Variants in GRK5 observed in about 807,000 individuals in gnomAD.
The protein encoded by GRK5 is G protein-coupled receptor kinase 5.
A neutral mutation model predicts 78.4 loss-of-function variants in GRK5; 40 were observed. The ratio of observed to expected loss-of-function variants is 0.51; its 90% CI spans 0.40 to 0.66. The LOEUF is 0.66. Ranked by LOEUF, GRK5 falls within the 30% of genes least tolerant of loss-of-function variation. The pLI is 0.00. For synonymous variants in GRK5, 289 were observed against 296.8 expected (o/e 0.97, Z 0.27); for missense variants, 598 against 759.9 (o/e 0.79, Z 2.50).
intron 1 of GRK5, among the ~76,000 whole-genome samples, chr10:119,210,222 G>C (rs1280224461): frequency 6.6e-6 from 1 of 152,150 alleles, no homozygotes; most frequent in African/African-American, 2.4e-5. Context: ...AATAGCTCTT[G>C]ATGATGCCTT....
intron 1 of GRK5, among the ~76,000 whole-genome samples, chr10:119,283,563 C>T (rs1291900144): frequency 6.6e-6 from 1 of 152,240 alleles, no homozygotes; most frequent in Non-Finnish European, 1.5e-5. Context: ...ATTCCCTGGC[C>T]AGTGCTGATG....
chr10:119,316,611 A>G (rs1850491606), intron 1 of GRK5, among the ~76,000 whole-genome samples: 1 of 152,200 alleles, frequency 6.6e-6, no homozygotes, highest in South Asian at 2.1e-4. Flanking sequence ...GTGCAGCGCT[A>G]CACTGACAAT....
intron 11 of GRK5, among the ~76,000 whole-genome samples, chr10:119,443,310 A>C (rs1382125415): frequency 1.3e-5 from 2 of 152,174 alleles, no homozygotes. Context: ...AGGCGAGGGG[A>C]CATCAAGAGT....
chr10:119,236,121 AT>A (rs2133732491), intron 1 of GRK5, among the ~76,000 whole-genome samples: 1 of 152,286 alleles, frequency 6.6e-6, no homozygotes, highest in Non-Finnish European at 1.5e-5. Context: ...TTGTCCTGTA[AT>A]CTCAGCACTT....
In GRK5 at chr10:119,423,234, G is replaced by A. The variant is rs1461887477; in HGVS notation, c.408G>A (p.Lys136=). Residue 136 remains lysine, a synonymous_variant, in exon 5 of 16, where the codon AAG becomes AAA. Coordinates refer to ENST00000392870, the MANE Select transcript of GRK5 (RefSeq NM_005308.3). The stretch of plus-strand genomic sequence containing the variant: ...AGACGGAGGAGAAGCTCCTACAGAA[G>A]CCGTGCAAAGAACTCTTTTCTGCCT... ...VSQTEEKLLQ[K]PCKELFSACA... The A allele has an allele frequency of 6.2e-7, 1 of 1,614,124 alleles. No individual in the cohort carries two copies. Among genetic ancestry groups the A allele is most frequent in the Admixed American group, 1.7e-5 (1 of 60,028 alleles).
At position 119,349,500 on chromosome 10, in the gene GRK5, A is replaced by T. The variant is rs150810501; in HGVS notation, c.148+22889A>T. The stretch of plus-strand genomic sequence containing the variant: ...GGCAGTTACCCGCCTGTACTGTGGG[A>T]CAAATAAATAACGCCTCCCCAGGGG... On this transcript the variant is annotated intron_variant, in intron 2 of 15. Coordinates refer to ENST00000392870, the MANE Select transcript of GRK5 (RefSeq NM_005308.3). Among the ~76,000 whole-genome samples, 91 of 152,312 alleles carry T rather than the reference A, an allele frequency of 6.0e-4. No homozygotes were observed. The East Asian group carries it at 0.017, about 28-fold the overall frequency.
At position 119,404,368 on chromosome 10, in the gene GRK5, C is replaced by G. The variant is rs111345426; in HGVS notation, c.339+7596C>G. Among the ~76,000 whole-genome samples the G allele has an allele frequency of 4.6e-3, 696 of 152,256 alleles. 6 individuals are homozygous for G. The highest frequency in any genetic ancestry group is 0.016 in the African/African-American group (657 of 41,538). ...TTCATTTTTGAATTGGGTTGTTTGT[C>G]TTTAATGTCAAGTCATAAGAGTTCT... On this transcript the variant is annotated intron_variant, in intron 4 of 15. Transcript: ENST00000392870.
At chr10:119,351,175 C>T (rs1281885721) in intron 2 of GRK5, among the ~76,000 whole-genome samples, 1 of 152,062 alleles carries the variant, frequency 6.6e-6, no homozygotes, top group Non-Finnish European at 1.5e-5. Flanking sequence ...AGTAATTCCA[C>T]TATGTTATTA....
chr10:119,405,125 G>A (rs923092891), intron 4 of GRK5, among the ~76,000 whole-genome samples: 6 of 152,154 alleles, frequency 3.9e-5, no homozygotes, highest in Non-Finnish European at 7.3e-5. Flanking sequence ...ACTATCAGTG[G>A]ATTCTAGGGG....
intron 10 of GRK5, 53 bp from the exon 11 acceptor site, chr10:119,441,946 C>T (rs952783052): frequency 2.0e-5 from 29 of 1,432,066 alleles, no homozygotes; most frequent in African/African-American, 2.8e-5. Context: ...ACAGCAAGGC[C>T]GGGTGCCCAT....
rs374000995 is a variant in GRK5 at position 119,268,919 on chromosome 10, A to G, written c.53-57597A>G. On this transcript the variant is annotated intron_variant, in intron 1 of 15. Transcript: ENST00000392870. ...GTCCTCACTTCTGGGGTGACTTGTGAGTAGATAACAAAGGGGGTGCCCTCA... is the reference window on the plus strand; with the variant it reads ...GTCCTCACTTCTGGGGTGACTTGTGGGTAGATAACAAAGGGGGTGCCCTCA... 2.4e-3 allele frequency among the ~76,000 whole-genome samples: 366 copies of G among 152,278 alleles called. 3 individuals carry two copies. Among genetic ancestry groups the G allele is most frequent in the African/African-American group, 8.5e-3 (353 of 41,552 alleles).
chr10:119,346,687 G>A (rs1851100573), intron 2 of GRK5, among the ~76,000 whole-genome samples: 1 of 151,432 alleles, frequency 6.6e-6, no homozygotes, highest in Non-Finnish European at 1.5e-5. Flanking sequence ...CATCAGAGAG[G>A]GCTGGCTGGC....
chr10:119,421,403 G>T, intron 4 of GRK5, among the ~76,000 whole-genome samples: 1 of 152,338 alleles, frequency 6.6e-6, no homozygotes, highest in Non-Finnish European at 1.5e-5. Context: ...GGCATCTCTG[G>T]AGCAGCTCCT....
intron 6 of GRK5, among the ~76,000 whole-genome samples, 183 bp downstream of exon 6, chr10:119,425,268 T>TACACACAC (rs112640010): frequency 0.013 from 1,616 of 126,688 alleles, 16 homozygotes; most frequent in African/African-American, 0.023. Flanking sequence ...CACACACACA[T>TACACACAC]ACACACACAC....
chr10:119,319,634 C>G (rs1047526393), intron 1 of GRK5, among the ~76,000 whole-genome samples: 1 of 152,218 alleles, frequency 6.6e-6, no homozygotes, highest in Non-Finnish European at 1.5e-5. Context: ...GAAGGTAAAC[C>G]CTGAACAGCA....
intron 1 of GRK5, among the ~76,000 whole-genome samples, chr10:119,319,544 A>G (rs192880548): frequency 4.6e-5 from 7 of 152,186 alleles, no homozygotes; most frequent in African/African-American, 1.7e-4. Flanking sequence ...TGTCTTGCTC[A>G]TCTTTGCTCT....
chr10:119,351,999 G>T (rs1391519395), intron 2 of GRK5, among the ~76,000 whole-genome samples: 1 of 152,220 alleles, frequency 6.6e-6, no homozygotes, highest in African/African-American at 2.4e-5. Context: ...CCTCTGCAGA[G>T]TGTAATCCAG....
intron 4 of GRK5, among the ~76,000 whole-genome samples, chr10:119,399,591 A>G (rs1458915472): frequency 6.6e-6 from 1 of 152,192 alleles, no homozygotes; most frequent in Non-Finnish European, 1.5e-5. Flanking sequence ...AAGAACCCTC[A>G]GTGGTCAATT....
At position 119,431,362 on chromosome 10, in the gene GRK5, C is replaced by A; in HGVS notation, c.598-25C>A. On this transcript the variant is annotated intron_variant, in intron 7 of 15. Transcript: ENST00000392870. The surrounding 1 kb of genome is among the most constrained non-coding windows in gnomAD (Gnocchi z 4.8). ...GCAGGCCTCCACGGTGCTCCTGCCA[C>A]CCTGGTTTCTTTCTTGCACTGCAGG... 23 of 1,604,616 alleles carry A rather than the reference C, an allele frequency of 1.4e-5. No individual in the cohort carries two copies. The highest frequency in any genetic ancestry group is 2.0e-5 in the Non-Finnish European group (23 of 1,175,170).
Sources: gnomAD v4.1 joint callset for allele counts (sites outside exome capture counted in the v4.1 genomes callset) on GRCh38, gnomAD v4.1.1 for gene constraint, Gnocchi (gnomAD v3.1) non-coding constraint, MANE v1.5 for transcripts, NCBI Gene and HGNC (gene_info 2026-07-23, HGNC 2026-07-21) for gene names.